The following SLFN12L variants were observed in gnomAD, a reference collection of about 807,000 sequenced individuals.
The protein encoded by SLFN12L is schlafen family member 12 like.
In SLFN12L, 34 loss-of-function variants were observed where a neutral mutation model predicts 34.8. The observed-to-expected ratio is 0.98, with a 90% CI of 0.74 to 1.30. SLFN12L has a LOEUF of 1.30. Ranked by LOEUF, SLFN12L falls within the 50% of genes most tolerant of loss-of-function variation. SLFN12L has a pLI of 0.00. For missense variants in SLFN12L, 703 were observed against 696.2 expected, an observed-to-expected ratio of 1.01 and a Z score of -0.11; for synonymous variants, 259 against 247.5, an observed-to-expected ratio of 1.05 and a Z score of -0.44.
intron 2 of SLFN12L, among the ~76,000 whole-genome samples, chr17:35,494,741 C>T (rs1302862669): frequency 6.6e-6 from 1 of 152,052 alleles, no homozygotes; most frequent in East Asian, 1.9e-4. Context: ...GGAGGGGCTT[C>T]TGTGGTGGGA....
intron 2 of SLFN12L, chr17:35,499,103 C>T (rs1175249612): frequency 1.2e-6 from 1 of 841,282 alleles, no homozygotes; most frequent in South Asian, 1.3e-5. Context: ...GCTTACAATC[C>T]AGGAAGTTAA....
At position 35,479,180 on chromosome 17, in the gene SLFN12L, C is replaced by T. The variant is rs1413793167; in HGVS notation, c.1102G>A (p.Asp368Asn). 1 of 1,577,512 alleles carries T rather than the reference C, an allele frequency of 6.3e-7. No homozygotes were observed. Residue 368 changes from aspartate (D) to asparagine (N), a missense_variant, in exon 3 of 5, where the codon GAT (aspartate) becomes AAT (asparagine). By Grantham distance (23) the Asp-to-Asn change is conservative. Coordinates refer to ENST00000628453, the MANE Select transcript of SLFN12L (RefSeq NM_001363830.2). Reference protein sequence around the residue: ...AKKPDSWHVKDNRVKQLTEKE... With the variant: ...AKKPDSWHVKNNRVKQLTEKE... ...TCGGTCAACTGCTTAACTCTGTTATCTTTCACGTGCCAGGAATCAGGCTTT... is the reference window on the plus strand; with the variant it reads ...TCGGTCAACTGCTTAACTCTGTTATTTTTCACGTGCCAGGAATCAGGCTTT...
intron 2 of SLFN12L, among the ~76,000 whole-genome samples, chr17:35,503,007 G>A (rs1302878710): frequency 6.6e-6 from 1 of 152,130 alleles, no homozygotes; most frequent in Non-Finnish European, 1.5e-5. Context: ...AAAAAAAAGT[G>A]TGTTAGAAAA....
intron 4 of SLFN12L, among the ~76,000 whole-genome samples, chr17:35,476,450 A>C (rs116632235): frequency 0.016 from 2,070 of 126,596 alleles, 54 homozygotes; most frequent in African/African-American, 0.057. Flanking sequence ...GAAAGAAAAG[A>C]AAGCAAGGAA....
intron 2 of SLFN12L, among the ~76,000 whole-genome samples, chr17:35,495,900 AACAC>A (rs58553128): frequency 0.17 from 23,445 of 137,778 alleles, 2,244 homozygotes; most frequent in Admixed American, 0.22. Context: ...GCCGATTTGA[AACAC>A]ACACACACAC....
Position 35,489,863 on chromosome 17 carries a change from G to A in SLFN12L, c.87-9668C>T, listed in dbSNP as rs1425507754. 14 of 714,450 alleles carry A rather than the reference G, an allele frequency of 2.0e-5. No homozygotes were observed. In the South Asian group the frequency reaches 2.0e-4, roughly 10 times the overall value. 44.3% of individuals were successfully genotyped at this position (714,450 alleles called of 1,614,324 possible). A position where few individuals can be genotyped will look rare whatever the true frequency, so the allele number is the denominator to read the frequency against. ...GGGCAGAAAACTGTCATCTACTTCCGGAGAGGAACACCAACCTTGTGGAAT... is the reference window on the plus strand; with the variant it reads ...GGGCAGAAAACTGTCATCTACTTCCAGAGAGGAACACCAACCTTGTGGAAT... On this transcript the variant is annotated intron_variant, in intron 2 of 4. Coordinates refer to ENST00000628453, the MANE Select transcript of SLFN12L (RefSeq NM_001363830.2).
chr17:35,522,674 C>T lies in SLFN12L; in HGVS notation c.-310G>A, dbSNP rs929822206. On this transcript the variant is annotated 5_prime_UTR_variant, in exon 2 of 5. Coordinates refer to ENST00000628453, the MANE Select transcript of SLFN12L (RefSeq NM_001363830.2). The stretch of plus-strand genomic sequence containing the variant: ...CTCAGGCAGAGGACCTTGGCCCTGA[C>T]ACACACCTCCCCAGTGTAGCCCCCC... 4.3e-6 allele frequency: 7 copies of T among 1,613,988 alleles called. No individual in the cohort carries two copies. Among genetic ancestry groups the T allele is most frequent in the Non-Finnish European group, 5.9e-6 (7 of 1,180,006 alleles).
intron 2 of SLFN12L, among the ~76,000 whole-genome samples, chr17:35,508,834 A>G (rs1470826178): frequency 1.3e-5 from 2 of 150,330 alleles, no homozygotes; most frequent in Non-Finnish European, 2.9e-5. Flanking sequence ...ATTTATACTG[A>G]CCTTATTAGC....
chr17:35,533,682 A>G (rs554375021), intron 1 of SLFN12L, among the ~76,000 whole-genome samples: 1 of 152,338 alleles, frequency 6.6e-6, no homozygotes, highest in South Asian at 2.1e-4. Context: ...GACAGCACAG[A>G]GCTGGAAGGA....
chr17:35,520,934 G>A (rs1264170362), intron 2 of SLFN12L, among the ~76,000 whole-genome samples: 2 of 152,028 alleles, frequency 1.3e-5, no homozygotes, highest in Non-Finnish European at 2.9e-5. Flanking sequence ...TTCTCTCAAA[G>A]TGCTGCCTTT....
chr17:35,512,005 T>C (rs965000276), intron 2 of SLFN12L, among the ~76,000 whole-genome samples: 22 of 152,348 alleles, frequency 1.4e-4, no homozygotes, highest in African/African-American at 5.1e-4. Context: ...GGTTTTGTTA[T>C]GTTTTGTTTT....
chr17:35,529,124 G>A (rs1360388652), intron 1 of SLFN12L, among the ~76,000 whole-genome samples: 2 of 152,176 alleles, frequency 1.3e-5, no homozygotes, highest in Non-Finnish European at 2.9e-5. Context: ...TTAGAGAAAA[G>A]CAAATCAAAA....
chr17:35,502,745 A>G (rs1915343001), intron 2 of SLFN12L, among the ~76,000 whole-genome samples: 1 of 152,244 alleles, frequency 6.6e-6, no homozygotes, highest in Non-Finnish European at 1.5e-5. Context: ...AACATGTATT[A>G]TAGTAACCTG....
chr17:35,525,575 A>C (rs574831960), intron 1 of SLFN12L, among the ~76,000 whole-genome samples: 1 of 152,364 alleles, frequency 6.6e-6, no homozygotes, highest in Non-Finnish European at 1.5e-5. Flanking sequence ...TAAAGAAAAG[A>C]ATCGTCAACC....
At chr17:35,528,186 C>T (rs1291665878) in intron 1 of SLFN12L, among the ~76,000 whole-genome samples, 2 of 152,072 alleles carry the variant, frequency 1.3e-5, no homozygotes, top group African/African-American at 4.8e-5. Context: ...AACCACTGCT[C>T]AAGGAAATAA....
chr17:35,504,564 C>G (rs1597862522), intron 2 of SLFN12L, among the ~76,000 whole-genome samples: 1 of 152,340 alleles, frequency 6.6e-6, no homozygotes, highest in East Asian at 1.9e-4. Flanking sequence ...CCCCTTTCCA[C>G]TGGGGTGGTC....
intron 1 of SLFN12L, among the ~76,000 whole-genome samples, chr17:35,523,701 C>T (rs1407889328): frequency 6.6e-6 from 1 of 152,088 alleles, no homozygotes; most frequent in Non-Finnish European, 1.5e-5. Context: ...TTTGGGAGGC[C>T]GAGATGGGTG....
intron 2 of SLFN12L, chr17:35,498,232 C>G (rs1471234028): frequency 2.9e-6 from 2 of 680,896 alleles, no homozygotes; most frequent in Non-Finnish European, 5.4e-6. Flanking sequence ...TGAGTGCGTA[C>G]CGAGGAGATC....
intron 1 of SLFN12L, among the ~76,000 whole-genome samples, chr17:35,527,497 A>T (rs2072349595): frequency 6.6e-6 from 1 of 152,222 alleles, no homozygotes; most frequent in Non-Finnish European, 1.5e-5. Context: ...CAAAAAGCTT[A>T]TCCACCACAG....
Sources: gnomAD v4.1 joint callset for allele counts (sites outside exome capture counted in the v4.1 genomes callset) on GRCh38, gnomAD v4.1.1 for gene constraint, MANE v1.5 for transcripts, NCBI Gene and HGNC (gene_info 2026-07-23, HGNC 2026-07-21) for gene names.